The following MEI1 variants were observed in gnomAD, a reference collection of about 807,000 sequenced individuals.
The protein encoded by MEI1 is meiotic double-stranded break formation protein 1.
MEI1 carries 103 observed loss-of-function variants against 146.2 expected under a neutral mutation model. The observed-to-expected ratio is 0.70, with a 90% CI of 0.60 to 0.83. The LOEUF (loss-of-function observed/expected upper bound fraction) is 0.83, where lower values mean the gene tolerates loss of function less well. MEI1 is among the 40% of genes least tolerant of loss of function. The pLI is 0.00. For synonymous variants in MEI1, 652 were observed against 628.2 expected (o/e 1.04, Z -0.57); for missense variants, 1,529 against 1,533.0 (o/e 1.00, Z 0.04).
intron 11 of MEI1, among the ~76,000 whole-genome samples, chr22:41,742,109 A>G (rs1291740904): frequency 1.3e-5 from 2 of 151,392 alleles, no homozygotes; most frequent in East Asian, 3.9e-4. Flanking sequence ...AAAGTACAAA[A>G]CTTAGCTGGG....
chr22:41,756,338 T>C (rs555844566), intron 17 of MEI1, among the ~76,000 whole-genome samples: 15 of 152,306 alleles, frequency 9.8e-5, no homozygotes, highest in Middle Eastern at 3.4e-3. Flanking sequence ...GGTTTTGCCA[T>C]GTTGGCCAGG....
intron 1 of MEI1, among the ~76,000 whole-genome samples, chr22:41,701,618 G>A (rs2068729697): frequency 6.6e-6 from 1 of 152,142 alleles, no homozygotes; most frequent in African/African-American, 2.4e-5. Context: ...ATTAAGGATG[G>A]AAATTCTGAG....
At chr22:41,760,382 G>A (rs186530967) in intron 18 of MEI1, among the ~76,000 whole-genome samples, 12 of 152,138 alleles carry the variant, frequency 7.9e-5, no homozygotes, top group African/African-American at 1.4e-4. Flanking sequence ...GGTGGCAGGC[G>A]CCTGTAGTCC....
intron 30 of MEI1, 151 bp from the exon 31 acceptor site, chr22:41,799,103 T>C: frequency 1.5e-6 from 1 of 660,154 alleles, no homozygotes; most frequent in South Asian, 1.8e-5. Flanking sequence ...AGCCCAGGTG[T>C]TCAGGACCCA....
intron 3 of MEI1, 39 bp downstream of exon 3, chr22:41,705,593 G>A: frequency 6.4e-7 from 1 of 1,573,078 alleles, no homozygotes; most frequent in Non-Finnish European, 8.7e-7. Context: ...GAAGATGAAA[G>A]TATTAGTCTG....
intron 20 of MEI1, 130 bp from the exon 21 acceptor site, chr22:41,775,972 G>A: frequency 5.8e-6 from 5 of 863,914 alleles, no homozygotes; most frequent in South Asian, 1.7e-5. Flanking sequence ...TAGGTGCTGA[G>A]TAAGTGACAG....
At chr22:41,700,298 C>G (rs1420648266) in intron 1 of MEI1, among the ~76,000 whole-genome samples, 1 of 152,200 alleles carries the variant, frequency 6.6e-6, no homozygotes, top group Non-Finnish European at 1.5e-5. Context: ...AGCGGGCTGC[C>G]TGGGTCCTCA....
chr22:41,778,839 C>T, intron 22 of MEI1, 27 bp downstream of exon 22: 1 of 1,550,670 alleles, frequency 6.4e-7, no homozygotes, highest in South Asian at 1.2e-5. Flanking sequence ...GGATAGCGCC[C>T]AAGGGCCCAG....
chr22:41,776,330 A>C, intron 21 of MEI1, 63 bp downstream of exon 21: 2 of 1,549,082 alleles, frequency 1.3e-6, no homozygotes, highest in Non-Finnish European at 1.8e-6. Context: ...GGGCATCTCT[A>C]CCCTTGTTAG....
chr22:41,731,967 G>A (rs1361220088), intron 9 of MEI1, among the ~76,000 whole-genome samples: 1 of 152,162 alleles, frequency 6.6e-6, no homozygotes, highest in Non-Finnish European at 1.5e-5. Flanking sequence ...AGTATGCCAA[G>A]TGGAGAAAAT....
Position 41,778,714 on chromosome 22 carries a change from G to A in MEI1, c.2717G>A (p.Gly906Glu), listed in dbSNP as rs753976693. The change falls in exon 22 of 31, where the codon GGG becomes GAG. Residue 906 changes from glycine (G) to glutamate (E), a missense_variant. This residue lies in a region of MEI1 where 1,212 missense variants were observed against 1,178.9 expected (regional missense o/e 1.03). Transcript: ENST00000401548. Reference protein sequence around the residue: ...EHGASPSGASGNLPLLLSLLS... With the variant: ...EHGASPSGASENLPLLLSLLS... ...TCCTCCTTGTTCTTCACAGCCTCGG[G>A]GAACCTACCATTGCTGCTGAGCCTC... is the stretch of plus-strand genomic sequence containing the variant. 2 of 1,602,540 alleles carry A rather than the reference G, an allele frequency of 1.2e-6. No individual in the cohort carries two copies. The highest frequency in any genetic ancestry group is 2.3e-5 in the South Asian group (2 of 88,552).
chr22:41,721,719 C>CTTTTTTTT (rs58572782), intron 6 of MEI1, among the ~76,000 whole-genome samples: 4 of 102,212 alleles, frequency 3.9e-5, no homozygotes, highest in Admixed American at 1.2e-4. Context: ...AATGCTACCC[C>CTTTTTTTT]TTTTTTTTTT....
At chr22:41,713,219 TC>T (rs1353634832) in intron 3 of MEI1, among the ~76,000 whole-genome samples, 1 of 152,168 alleles carries the variant, frequency 6.6e-6, no homozygotes, top group East Asian at 1.9e-4. Flanking sequence ...ACACCTATTA[TC>T]CCAGCACTTT....
chr22:41,772,456 G>A (rs1362560549), intron 20 of MEI1, among the ~76,000 whole-genome samples: 1 of 152,080 alleles, frequency 6.6e-6, no homozygotes, highest in Non-Finnish European at 1.5e-5. Context: ...CAAGTAGCTG[G>A]AACTACAAGC....
At chr22:41,741,835 T>G (rs1033387037) in intron 11 of MEI1, among the ~76,000 whole-genome samples, 4 of 151,656 alleles carry the variant, frequency 2.6e-5, no homozygotes, top group Admixed American at 1.3e-4. Flanking sequence ...TCCCAGCTAC[T>G]TGGGAGGCTG....
intron 21 of MEI1, among the ~76,000 whole-genome samples, chr22:41,778,033 T>G (rs1402800997): frequency 1.3e-5 from 2 of 149,434 alleles, no homozygotes; most frequent in Non-Finnish European, 3.0e-5. Flanking sequence ...TTCCTTCTCC[T>G]CCTTTCTTCC....
intron 24 of MEI1, among the ~76,000 whole-genome samples, chr22:41,782,839 C>T (rs976132297): frequency 6.6e-6 from 1 of 152,122 alleles, no homozygotes; most frequent in Non-Finnish European, 1.5e-5. Context: ...GCCCTCAGCT[C>T]ACACCTAGGC....
At chr22:41,771,625 G>A (rs2075187336) in intron 20 of MEI1, among the ~76,000 whole-genome samples, 1 of 151,108 alleles carries the variant, frequency 6.6e-6, no homozygotes, top group South Asian at 2.1e-4. Context: ...TTTTTTAAGA[G>A]ATGGGGTTTC....
chr22:41,768,400 A>G (rs2074985777), intron 19 of MEI1, among the ~76,000 whole-genome samples: 1 of 152,194 alleles, frequency 6.6e-6, no homozygotes, highest in African/African-American at 2.4e-5. Flanking sequence ...CAAAAAAAAA[A>G]AAAAAATGAA....
Sources: gnomAD v4.1 joint callset for allele counts (sites outside exome capture counted in the v4.1 genomes callset) on GRCh38, gnomAD v4.1.1 for gene constraint, gnomAD v4.1.1 regional missense constraint, MANE v1.5 for transcripts, NCBI Gene and HGNC (gene_info 2026-07-23, HGNC 2026-07-21) for gene names.